The following NEGR1 variants were observed in gnomAD, a reference collection of about 807,000 sequenced individuals.
NEGR1 encodes neuronal growth regulator 1.
A neutral mutation model predicts 40.9 loss-of-function variants in NEGR1; 10 were observed. That is an observed-to-expected ratio of 0.24 (90% CI 0.15 to 0.42). The LOEUF is 0.42. Among genes scored for constraint, NEGR1 ranks in the 10% least tolerant of loss-of-function variants. The pLI is 1.00. For missense variants in NEGR1, 352 were observed against 438.9 expected (o/e 0.80, Z 1.77); for synonymous variants, 185 against 166.8 (o/e 1.11, Z -0.84).
At chr1:71,840,152 T>A (rs1194132125) in intron 2 of NEGR1, among the ~76,000 whole-genome samples, 6 of 152,134 alleles carry the variant, frequency 3.9e-5, no homozygotes, top group Non-Finnish European at 8.8e-5. Flanking sequence ...GGGATCAGTT[T>A]GAGTTTCCCT....
intron 6 of NEGR1, among the ~76,000 whole-genome samples, chr1:71,571,265 G>T (rs530635660): frequency 6.6e-6 from 1 of 152,040 alleles, no homozygotes; most frequent in Non-Finnish European, 1.5e-5. Context: ...TATTTGCTTC[G>T]CAAAGCATAT....
At chr1:71,445,881 C>A (rs1041347848) in intron 6 of NEGR1, among the ~76,000 whole-genome samples, 1 of 152,110 alleles carries the variant, frequency 6.6e-6, no homozygotes, top group Non-Finnish European at 1.5e-5. Context: ...GGTGCTAAAG[C>A]TCTGTCACAG....
chr1:72,030,444 A>C (rs1042180817), intron 1 of NEGR1, among the ~76,000 whole-genome samples: 3 of 152,190 alleles, frequency 2.0e-5, no homozygotes, highest in African/African-American at 7.2e-5. Context: ...GTCTATGGGT[A>C]GGCATATTTA....
chr1:71,792,641 A>C (rs1657159084), intron 2 of NEGR1, among the ~76,000 whole-genome samples: 1 of 152,132 alleles, frequency 6.6e-6, no homozygotes, highest in Non-Finnish European at 1.5e-5. Flanking sequence ...CAGAGTCACC[A>C]GCTGATGAGA....
At chr1:72,063,900 G>A (rs1177216834) in intron 1 of NEGR1, among the ~76,000 whole-genome samples, 5 of 151,872 alleles carry the variant, frequency 3.3e-5, no homozygotes, top group South Asian at 2.1e-4. Flanking sequence ...AGATGTAGTC[G>A]GCCAAGTGTT....
At chr1:71,652,516 G>A (rs925667743) in intron 4 of NEGR1, among the ~76,000 whole-genome samples, 1 of 152,014 alleles carries the variant, frequency 6.6e-6, no homozygotes, top group African/African-American at 2.4e-5. Context: ...TATTAGCATT[G>A]AGTAGTTACT....
chr1:71,785,615 T>C (rs901554813), intron 2 of NEGR1, among the ~76,000 whole-genome samples: 4 of 152,168 alleles, frequency 2.6e-5, no homozygotes, highest in Non-Finnish European at 5.9e-5. Flanking sequence ...TTTGGAAATG[T>C]GCCAACAAAT....
chr1:71,793,445 TAC>T (rs904084994), intron 2 of NEGR1, among the ~76,000 whole-genome samples: 1 of 149,628 alleles, frequency 6.7e-6, no homozygotes, highest in African/African-American at 2.5e-5. Flanking sequence ...ATAACAGGCC[TAC>T]ACAGTTTTAT....
chr1:72,094,399 G>T (rs371783380), intron 1 of NEGR1, among the ~76,000 whole-genome samples: 1 of 152,136 alleles, frequency 6.6e-6, no homozygotes. Context: ...GGCCCTGAAC[G>T]AGGTCAGTAA....
At chr1:71,603,901 T>C (rs1048202946) in intron 5 of NEGR1, among the ~76,000 whole-genome samples, 6 of 152,226 alleles carry the variant, frequency 3.9e-5, no homozygotes, top group African/African-American at 1.2e-4. Context: ...TGGGAACATA[T>C]GTTTTAAAAA....
chr1:72,104,886 TAGAA>T (rs1649077267), intron 1 of NEGR1, among the ~76,000 whole-genome samples: 1 of 152,112 alleles, frequency 6.6e-6, no homozygotes, highest in African/African-American at 2.4e-5. Context: ...ACTCTAAAAG[TAGAA>T]AGAAAAATGA....
intron 2 of NEGR1, among the ~76,000 whole-genome samples, chr1:71,872,637 C>T (rs1411514500): frequency 6.6e-6 from 1 of 152,166 alleles, no homozygotes; most frequent in Non-Finnish European, 1.5e-5. Context: ...AGAAATAAAA[C>T]TTGGTTATTT....
intron 1 of NEGR1, among the ~76,000 whole-genome samples, chr1:72,158,850 T>A: frequency 6.6e-6 from 1 of 152,150 alleles, no homozygotes; most frequent in East Asian, 1.9e-4. Flanking sequence ...ATATGATGAC[T>A]ATAATTGAAA....
chr1:71,784,526 A>G (rs1656842284), intron 2 of NEGR1, among the ~76,000 whole-genome samples: 1 of 152,188 alleles, frequency 6.6e-6, no homozygotes, highest in Admixed American at 6.6e-5. Context: ...AATAGGCAAC[A>G]TTTTACCATC....
At position 71,809,295 on chromosome 1, in the gene NEGR1, C is replaced by T. The variant is rs539497699; in HGVS notation, c.410-32998G>A. 9.3e-4 allele frequency among the ~76,000 whole-genome samples: 142 copies of T among 152,176 alleles called. 1 individual carries two copies. Among genetic ancestry groups the T allele is most frequent in the Non-Finnish European group, 1.7e-3 (117 of 67,996 alleles). ...CAGTTAAGTAAACAGATATAATAGGCCTTGGTCTCATCTTTAGAAATTTAC... is the reference window on the plus strand; with the variant it reads ...CAGTTAAGTAAACAGATATAATAGGTCTTGGTCTCATCTTTAGAAATTTAC... On this transcript the variant is annotated intron_variant, in intron 2 of 6. Coordinates refer to ENST00000357731, the MANE Select transcript of NEGR1 (RefSeq NM_173808.3).
At chr1:71,737,903 G>A (rs914368562) in intron 3 of NEGR1, among the ~76,000 whole-genome samples, 19 of 152,104 alleles carry the variant, frequency 1.2e-4, no homozygotes, top group Non-Finnish European at 2.8e-4. Context: ...GTCCTCACGG[G>A]TGGCAGGAAT....
chr1:71,619,873 C>A (rs1048230905), intron 4 of NEGR1, among the ~76,000 whole-genome samples: 1 of 152,098 alleles, frequency 6.6e-6, no homozygotes, highest in Non-Finnish European at 1.5e-5. Context: ...TGGCACCCAA[C>A]AAGCCTAATC....
At chr1:72,059,066 C>T (rs566005488) in intron 1 of NEGR1, among the ~76,000 whole-genome samples, 1 of 151,622 alleles carries the variant, frequency 6.6e-6, no homozygotes, top group Non-Finnish European at 1.5e-5. Context: ...GTCCCCAGAT[C>T]CACTGCAACA....
intron 6 of NEGR1, among the ~76,000 whole-genome samples, chr1:71,505,296 TC>T (rs1165410510): frequency 1.3e-5 from 2 of 152,106 alleles, no homozygotes; most frequent in Non-Finnish European, 2.9e-5. Context: ...TCTTTTTTTT[TC>T]TTTTTTTTGA....
Sources: gnomAD v4.1 joint callset for allele counts (sites outside exome capture counted in the v4.1 genomes callset) on GRCh38, gnomAD v4.1.1 for gene constraint, MANE v1.5 for transcripts, NCBI Gene and HGNC (gene_info 2026-07-23, HGNC 2026-07-21) for gene names.